CYB5RL: variants seen among roughly 807,000 people sequenced by gnomAD.
CYB5RL encodes the protein cytochrome b5 reductase like.
CYB5RL carries 38 observed loss-of-function variants against 37.5 expected under a neutral mutation model. The ratio of observed to expected loss-of-function variants is 1.01; its 90% CI spans 0.78 to 1.33. The LOEUF is 1.33. Among genes scored for constraint, CYB5RL ranks in the 40% most tolerant of loss-of-function variants. CYB5RL has a pLI of 0.00. For missense variants in CYB5RL, 388 were observed against 394.4 expected (o/e 0.98, Z 0.14); for synonymous variants, 141 against 151.9 (o/e 0.93, Z 0.53).
Position 54,170,880 on chromosome 1 carries a change from A to G in CYB5RL, c.*3739T>C, listed in dbSNP as rs1448929597. Reference sequence around the variant, plus strand: ...ATTGGGGTAATAAAATAGCATGTATATTGGTGAAGATTCTTGCTTCAAAGT... The same window carrying G: ...ATTGGGGTAATAAAATAGCATGTATGTTGGTGAAGATTCTTGCTTCAAAGT... On this transcript the variant is annotated 3_prime_UTR_variant, in exon 8 of 8. Transcript: ENST00000534324. 3.0e-6 allele frequency: 1 copy of G among 332,724 alleles called. No individual in the cohort carries two copies. The allele number at this position is 332,724 out of a possible 1,614,324, so 20.6% of individuals were successfully genotyped here.
At chr1:54,192,780 G>C (rs892158688) in intron 3 of CYB5RL, among the ~76,000 whole-genome samples, 3 of 150,394 alleles carry the variant, frequency 2.0e-5, no homozygotes, top group Non-Finnish European at 3.0e-5. Flanking sequence ...TTTTGAGACA[G>C]AGTGTTGCTG....
In CYB5RL at chr1:54,172,597, A is replaced by G. The variant is rs921752072; in HGVS notation, c.*2022T>C. 2 of 152,230 alleles carry G rather than the reference A, an allele frequency of 1.3e-5. No homozygotes were observed. The highest frequency in any genetic ancestry group is 2.4e-5 in the African/African-American group (1 of 41,414). The allele number at this position is 152,230 out of a possible 1,614,324, so 9.4% of individuals were successfully genotyped here. ...GCCAACCACTCTCCCAGCACCCTGCACTTACCTTTTCATGACACCCATCAC... is the reference window on the plus strand; with the variant it reads ...GCCAACCACTCTCCCAGCACCCTGCGCTTACCTTTTCATGACACCCATCAC... On this transcript the variant is annotated 3_prime_UTR_variant, in exon 8 of 8. Coordinates refer to ENST00000534324, the MANE Select transcript of CYB5RL (RefSeq NM_001031672.4).
At chr1:54,182,860 G>A (rs12139101) in intron 6 of CYB5RL, among the ~76,000 whole-genome samples, 13,466 of 152,236 alleles carry the variant, frequency 0.088, 661 homozygotes, top group Non-Finnish European at 0.11. Context: ...GCCAACAAAA[G>A]CTATTTAAAA....
At chr1:54,183,865 C>T (rs961326987) in intron 6 of CYB5RL, among the ~76,000 whole-genome samples, 1 of 152,048 alleles carries the variant, frequency 6.6e-6, no homozygotes, top group African/African-American at 2.4e-5. Flanking sequence ...ATCTCAGCTA[C>T]TTGGGAGGCT....
chr1:54,180,014 G>A (rs974781288), intron 6 of CYB5RL: 1 of 453,158 alleles, frequency 2.2e-6, no homozygotes, highest in Non-Finnish European at 4.4e-6. Context: ...GGGAGGCCAA[G>A]GTGGGCGGAT....
chr1:54,174,954 A>G, intron 7 of CYB5RL, 132 bp from the exon 8 acceptor site: 1 of 835,224 alleles, frequency 1.2e-6, no homozygotes, highest in Admixed American at 2.5e-5. Flanking sequence ...ATCCAGGCCC[A>G]CCATGGGCCA....
chr1:54,191,873 G>C (rs1357759678), intron 3 of CYB5RL, among the ~76,000 whole-genome samples: 1 of 152,198 alleles, frequency 6.6e-6, no homozygotes, highest in African/African-American at 2.4e-5. Flanking sequence ...ACTGGACTGG[G>C]AGTCGGGAGA....
intron 7 of CYB5RL, among the ~76,000 whole-genome samples, chr1:54,176,607 T>C (rs990106908): frequency 2.0e-5 from 3 of 152,200 alleles, no homozygotes; most frequent in African/African-American, 7.2e-5. Flanking sequence ...TCTCTGATGA[T>C]CTGGCATTTC....
At chr1:54,184,003 A>ATAAATAAATAAG in intron 6 of CYB5RL, 158 bp downstream of exon 6, 1 of 454,848 alleles carries the variant, frequency 2.2e-6, no homozygotes, top group African/African-American at 2.0e-5. Context: ...AAATAAATAA[A>ATAAATAAATAAG]TAAGTGTCTA....
intron 6 of CYB5RL, chr1:54,180,046 G>C (rs1292134385): frequency 4.4e-6 from 2 of 451,540 alleles, no homozygotes; most frequent in Non-Finnish European, 8.9e-6. Context: ...AGGAGTTCGA[G>C]ACCAACGTGG....
At chr1:54,182,654 A>T (rs1279958351) in intron 6 of CYB5RL, among the ~76,000 whole-genome samples, 1 of 152,104 alleles carries the variant, frequency 6.6e-6, no homozygotes, top group Non-Finnish European at 1.5e-5. Context: ...GGTTCAAATG[A>T]TTCTCATGCC....
At position 54,190,783 on chromosome 1, in the gene CYB5RL, C is replaced by T. The variant is rs1643943363; in HGVS notation, c.312G>A (p.Gln104=). Residue 104 remains glutamine (Q), a synonymous_variant, in exon 4 of 8, where the codon CAG becomes CAA. Transcript: ENST00000534324. Reference sequence around the variant, plus strand: ...GGTGCTGGCCGGGCCGCAGGCCAAGCTGGCTGTTCCCGGGTAGAGCAAACC... The same window carrying T: ...GGTGCTGGCCGGGCCGCAGGCCAAGTTGGCTGTTCCCGGGTAGAGCAAACC... ...RVRFALPGNS[Q]LGLRPGQHLI... 6.4e-7 allele frequency: 1 copy of T among 1,563,124 alleles called. No homozygotes were observed. Among genetic ancestry groups the T allele is most frequent in the Non-Finnish European group, 8.7e-7 (1 of 1,153,808 alleles).
intron 4 of CYB5RL, among the ~76,000 whole-genome samples, chr1:54,188,461 A>G (rs745729175): frequency 6.6e-6 from 1 of 152,226 alleles, no homozygotes; most frequent in African/African-American, 2.4e-5. Context: ...TGACAGAAGC[A>G]TTAGGACTGG....
chr1:54,189,033 A>C (rs1643926757), intron 4 of CYB5RL, among the ~76,000 whole-genome samples: 1 of 152,104 alleles, frequency 6.6e-6, no homozygotes, highest in Non-Finnish European at 1.5e-5. Flanking sequence ...ATATACAAAA[A>C]TTAGCTGGGC....
chr1:54,188,123 G>C (rs1402432545), intron 4 of CYB5RL, among the ~76,000 whole-genome samples: 1 of 152,176 alleles, frequency 6.6e-6, no homozygotes, highest in African/African-American at 2.4e-5. Context: ...TCCTCTGCCA[G>C]GCTGGTGAAA....
At chr1:54,193,133 A>G (rs1643971912) in intron 3 of CYB5RL, among the ~76,000 whole-genome samples, 1 of 152,158 alleles carries the variant, frequency 6.6e-6, no homozygotes, top group African/African-American at 2.4e-5. Context: ...TTTATTACCA[A>G]CCTCCTTGTG....
At chr1:54,189,754 T>G (rs1643932916) in intron 4 of CYB5RL, among the ~76,000 whole-genome samples, 1 of 152,104 alleles carries the variant, frequency 6.6e-6, no homozygotes, top group Non-Finnish European at 1.5e-5. Flanking sequence ...CCCACTGGGA[T>G]AGTGAACTTC....
intron 7 of CYB5RL, among the ~76,000 whole-genome samples, chr1:54,176,802 C>G (rs12239288): frequency 6.6e-6 from 1 of 152,160 alleles, no homozygotes; most frequent in Non-Finnish European, 1.5e-5. Context: ...CAAACAGTGA[C>G]GGTGCAGCAG....
chr1:54,197,541 G>A (rs955330760), intron 1 of CYB5RL, among the ~76,000 whole-genome samples: 4 of 151,846 alleles, frequency 2.6e-5, no homozygotes, highest in Admixed American at 2.0e-4. Flanking sequence ...CTCTGTGAAG[G>A]GCATCTATGC....
Sources: gnomAD v4.1 joint callset for allele counts (sites outside exome capture counted in the v4.1 genomes callset) on GRCh38, gnomAD v4.1.1 for gene constraint, MANE v1.5 for transcripts, NCBI Gene and HGNC (gene_info 2026-07-23, HGNC 2026-07-21) for gene names.